Variants in KIAA1210 observed in about 807,000 individuals in gnomAD.
The protein encoded by KIAA1210 is KIAA1210, also known as acrosomal protein KIAA1210.
A neutral mutation model predicts 78.9 loss-of-function variants in KIAA1210; 48 were observed. The observed-to-expected ratio is 0.61, with a 90% CI of 0.48 to 0.77. The LOEUF (loss-of-function observed/expected upper bound fraction) is 0.77, where lower values mean the gene tolerates loss of function less well. KIAA1210 is among the 30% of genes least tolerant of loss of function. KIAA1210 has a pLI of 0.00. For missense variants in KIAA1210, 1,108 were observed against 1,100.0 expected, an observed-to-expected ratio of 1.01 and a Z score of -0.10; for synonymous variants, 406 against 404.5, an observed-to-expected ratio of 1.00 and a Z score of -0.04.
At chrX:119,114,052 C>T (rs2147185864) in intron 3 of KIAA1210, among the ~76,000 whole-genome samples, 1 of 111,662 alleles carries the variant, frequency 9.0e-6, no homozygotes, top group East Asian at 2.8e-4. Context: ...TTTAAATGCC[C>T]TTTTTGTACT....
intron 2 of KIAA1210, among the ~76,000 whole-genome samples, chrX:119,146,477 C>T (rs963375986): frequency 8.9e-6 from 1 of 112,314 alleles, no homozygotes; most frequent in Non-Finnish European, 1.9e-5. Context: ...TAGAATGCTG[C>T]TAAAGACCAA....
In KIAA1210 at chrX:119,081,324, G is replaced by A. The variant is rs184187725; in HGVS notation, c.*5C>T. 9 of 1,152,985 alleles carry A rather than the reference G, an allele frequency of 7.8e-6. No homozygotes were observed. In the East Asian group the frequency reaches 1.2e-4, roughly 16 times the overall value. On this transcript the variant is annotated 3_prime_UTR_variant, in exon 12 of 12. Coordinates refer to ENST00000691062, the MANE Select transcript of KIAA1210 (RefSeq NM_001394962.1). ...ATAAATGCTGATGCTCCACACAAGA[G>A]CTCTTTATTGCGTGATTTCTGCCAT...
chrX:119,104,549 C>T (rs911781891), intron 6 of KIAA1210, among the ~76,000 whole-genome samples: 17 of 112,004 alleles, frequency 1.5e-4, no homozygotes, highest in African/African-American at 2.9e-4. Context: ...CACTATTATA[C>T]GCTGATTGAT....
intron 2 of KIAA1210, among the ~76,000 whole-genome samples, chrX:119,138,211 G>GTTTTTTTTTTTTTTT (rs759946882): frequency 2.1e-5 from 1 of 47,845 alleles, no homozygotes; most frequent in Non-Finnish European, 3.4e-5. Flanking sequence ...TGGTTTGGTT[G>GTTTTTTTTTTTTTTT]TTTTTTTTTT....
At chrX:119,121,877 T>TTCC (rs1466362306) in intron 2 of KIAA1210, among the ~76,000 whole-genome samples, 1 of 110,105 alleles carries the variant, frequency 9.1e-6, no homozygotes, top group Non-Finnish European at 1.9e-5. Context: ...CACGCCATTC[T>TTCC]TCTGCCTCAG....
Position 119,089,742 on chromosome X carries a change from G to C in KIAA1210, c.960C>G (p.Ser320=). 5.0e-6 allele frequency: 6 copies of C among 1,195,441 alleles called. No homozygotes were observed. Among genetic ancestry groups the C allele is most frequent in the Non-Finnish European group, 6.8e-6 (6 of 888,560 alleles). The change falls in exon 9 of 12, where the codon TCC becomes TCG. Residue 320 remains serine (S), a synonymous_variant. Coordinates refer to ENST00000691062, the MANE Select transcript of KIAA1210 (RefSeq NM_001394962.1). ...TTTTGTTGTTCTGTTTCTGGCTTGA[G>C]GAATCTGCACCAAACAGAAATAAGG... is the stretch of plus-strand genomic sequence containing the variant. ...EKKLGMDSAD[S]SSQKQNNKTE...
chrX:119,122,061 ATTTTTT>A (rs781688572), intron 2 of KIAA1210, among the ~76,000 whole-genome samples: 2 of 56,506 alleles, frequency 3.5e-5, no homozygotes, highest in Admixed American at 2.7e-4. Flanking sequence ...CGCGCCCGGC[ATTTTTT>A]TTTTTTTTTT....
chrX:119,123,321 G>T (rs1417071579), intron 2 of KIAA1210, among the ~76,000 whole-genome samples: 1 of 111,852 alleles, frequency 8.9e-6, no homozygotes, highest in Non-Finnish European at 1.9e-5. Flanking sequence ...TGTTCTGATT[G>T]GTTTTTTCTG....
At chrX:119,111,150 G>T in intron 3 of KIAA1210, among the ~76,000 whole-genome samples, 1 of 111,734 alleles carries the variant, frequency 8.9e-6, no homozygotes, top group Non-Finnish European at 1.9e-5. Flanking sequence ...TACATCTATG[G>T]TTGATTTTCA....
At position 119,108,342 on chromosome X, in the gene KIAA1210, T is replaced by A. The variant is rs979838108; in HGVS notation, c.487A>T (p.Thr163Ser). The A allele has an allele frequency of 3.3e-6, 4 of 1,209,267 alleles. No homozygotes were observed. The highest frequency in any genetic ancestry group is 4.5e-6 in the Non-Finnish European group (4 of 894,207). The change falls in exon 5 of 12, where the codon ACT becomes TCT. Residue 163 changes from threonine to serine, a missense_variant. This residue lies in a region of KIAA1210 where 672 missense variants were observed against 607.1 expected (regional missense o/e 1.11). Coordinates refer to ENST00000691062, the MANE Select transcript of KIAA1210 (RefSeq NM_001394962.1). ...SAVWVAGPKI[T>S]ENPPSRRRRL... ...GAACAATTCCACTTTGTTACCTCAG[T>A]GATCTTGGGGCCAGCAACCCAGACT... is the stretch of plus-strand genomic sequence containing the variant.
chrX:119,082,795 A>G (rs1927005763), intron 11 of KIAA1210, among the ~76,000 whole-genome samples: 1 of 112,136 alleles, frequency 8.9e-6, no homozygotes. Flanking sequence ...GAGGCAAAAG[A>G]CTGGAAGACC....
At chrX:119,128,731 A>C (rs1340092496), upstream of KIAA1210, among the ~76,000 whole-genome samples, 1 of 111,017 alleles carries the variant, frequency 9.0e-6, no homozygotes, top group East Asian at 2.8e-4. Flanking sequence ...GCTGGAGTGC[A>C]ATGGCGCAAT....
chrX:119,140,064 T>C (rs762183880), intron 2 of KIAA1210, among the ~76,000 whole-genome samples: 360 of 112,264 alleles, frequency 3.2e-3, no homozygotes, highest in African/African-American at 0.011. Context: ...TCTTTCAAAG[T>C]TCCCAGTTCA....
intron 7 of KIAA1210, among the ~76,000 whole-genome samples, chrX:119,095,809 A>G (rs1927534433): frequency 8.9e-6 from 1 of 112,461 alleles, no homozygotes; most frequent in Admixed American, 9.4e-5. Flanking sequence ...AAAATTATCT[A>G]TTACATTGGA....
intron 2 of KIAA1210, among the ~76,000 whole-genome samples, chrX:119,137,765 G>A (rs894227934): frequency 2.7e-5 from 3 of 112,262 alleles, no homozygotes; most frequent in Non-Finnish European, 3.8e-5. Context: ...ATGTGGCCCA[G>A]GGAAGCCAAA....
At chrX:119,114,350 A>G (rs1319548574) in intron 3 of KIAA1210, among the ~76,000 whole-genome samples, 1 of 111,963 alleles carries the variant, frequency 8.9e-6, no homozygotes, top group Non-Finnish European at 1.9e-5. Context: ...TTTCCCTATA[A>G]AACTCTGCTA....
exon 1 of KIAA1210, chrX:119,150,329 A>T (rs1159009482): frequency 8.3e-7 from 1 of 1,207,894 alleles, no homozygotes; most frequent in Admixed American, 2.2e-5. Flanking sequence ...TGTGCAGGGC[A>T]GGAAGCCCCG....
intron 1 of KIAA1210, among the ~76,000 whole-genome samples, chrX:119,149,585 C>T (rs746130439): frequency 4.5e-4 from 50 of 111,728 alleles, no homozygotes; most frequent in Non-Finnish European, 8.3e-4. Flanking sequence ...TAATCATGTA[C>T]ACTCACATAC....
chrX:119,084,294 G>A lies in KIAA1210; in HGVS notation c.4320+1089C>T, dbSNP rs186671347. Among the ~76,000 whole-genome samples, 448 of 111,065 alleles carry A rather than the reference G, an allele frequency of 4.0e-3. 7 individuals are homozygous for A. Among genetic ancestry groups the A allele is most frequent in the Admixed American group, 0.034 (353 of 10,356 alleles). The stretch of plus-strand genomic sequence containing the variant: ...ATCTCTTATCCACATGTGGTAGTTA[G>A]CCTAGTTTACCACATCACATTTTAT... On this transcript the variant is annotated intron_variant, in intron 10 of 11. Transcript: ENST00000691062.
Sources: gnomAD v4.1 joint callset for allele counts (sites outside exome capture counted in the v4.1 genomes callset) on GRCh38, gnomAD v4.1.1 for gene constraint, gnomAD v4.1.1 regional missense constraint, MANE v1.5 for transcripts, NCBI Gene and HGNC (gene_info 2026-07-23, HGNC 2026-07-21) for gene names.